Variants in WASL observed in about 807,000 individuals in gnomAD.
WASL encodes WASP like actin nucleation promoting factor.
WASL carries 20 observed loss-of-function variants against 55.5 expected under a neutral mutation model. The observed-to-expected ratio is 0.36, with a 90% CI of 0.25 to 0.52. The LOEUF (loss-of-function observed/expected upper bound fraction) is 0.52. WASL is among the 20% of genes least tolerant of loss of function. The pLI, the probability that WASL is intolerant of heterozygous loss-of-function variation, is 0.92. For synonymous variants in WASL, 249 were observed against 217.6 expected (o/e 1.14, Z -1.27); for missense variants, 504 against 622.5 (o/e 0.81, Z 2.03).
chr7:123,740,286 T>C (rs1201026540), intron 1 of WASL, among the ~76,000 whole-genome samples: 2 of 152,052 alleles, frequency 1.3e-5, no homozygotes, highest in Admixed American at 1.3e-4. Context: ...TCTTCAACAT[T>C]ACAGTCAATT....
At position 123,692,858 on chromosome 7, in the gene WASL, G is replaced by A; in HGVS notation, c.836C>T (p.Pro279Leu). The A allele has an allele frequency of 2.2e-6, 3 of 1,364,208 alleles. No homozygotes were observed. The highest frequency in any genetic ancestry group is 2.8e-6 in the Non-Finnish European group (3 of 1,054,352). The allele number at this position is 1,364,208 out of a possible 1,614,324, so 84.5% of individuals were successfully genotyped here. A position where few individuals can be genotyped will look rare whatever the true frequency, so the allele number is the denominator to read the frequency against. Residue 279 changes from proline to leucine, a missense_variant, in exon 9 of 11, where the codon CCT becomes CTT. Physicochemically the swap from Pro to Leu is moderately conservative, Grantham distance 98. Transcript: ENST00000223023. ...KNELRRQAPP[P>L]PPPSRGGPPP... ...TGGCCCTCCCCTTGATGGTGGTGGAGGTGGTGGTGCTGAAATGCAAACAGA... is the reference window on the plus strand; with the variant it reads ...TGGCCCTCCCCTTGATGGTGGTGGAAGTGGTGGTGCTGAAATGCAAACAGA...
intron 1 of WASL, among the ~76,000 whole-genome samples, chr7:123,743,405 C>G (rs555556012): frequency 1.5e-4 from 22 of 151,680 alleles, no homozygotes; most frequent in African/African-American, 5.1e-4. Flanking sequence ...GACTAAAATT[C>G]AGGAACTCCT....
intron 1 of WASL, among the ~76,000 whole-genome samples, chr7:123,747,113 CAG>C (rs1804446535): frequency 6.6e-6 from 1 of 151,696 alleles, no homozygotes; most frequent in East Asian, 1.9e-4. Flanking sequence ...AAATCAGTAA[CAG>C]GAAAAAAAAA....
chr7:123,682,167 T>G lies in WASL; in HGVS notation c.*2352A>C, dbSNP rs536373184. On this transcript the variant is annotated 3_prime_UTR_variant, in exon 11 of 11. Coordinates refer to ENST00000223023, the MANE Select transcript of WASL (RefSeq NM_003941.4). The stretch of plus-strand genomic sequence containing the variant: ...TAGATATAAAAAGCCTCATGCTAGT[T>G]TGTTAAATGCAAAGGCTACCAGACG... The G allele has an allele frequency of 6.6e-6, 1 of 152,240 alleles. No individual in the cohort carries two copies. Among genetic ancestry groups the G allele is most frequent in the South Asian group, 2.1e-4 (1 of 4,824 alleles). 9.4% of individuals were successfully genotyped at this position (152,240 alleles called of 1,614,324 possible).
At chr7:123,732,330 GAAAAATA>G (rs960813210) in intron 1 of WASL, among the ~76,000 whole-genome samples, 52 of 151,436 alleles carry the variant, frequency 3.4e-4, no homozygotes, top group Middle Eastern at 3.4e-3. Context: ...ACTCTGTCTC[GAAAAATA>G]AAAAATAAAA....
intron 1 of WASL, among the ~76,000 whole-genome samples, chr7:123,747,369 C>T (rs1804450583): frequency 6.6e-6 from 1 of 152,142 alleles, no homozygotes; most frequent in Admixed American, 6.5e-5. Flanking sequence ...ACTCAATGTT[C>T]TCTAAGGTCT....
chr7:123,728,790 C>G (rs1018968579), intron 1 of WASL, among the ~76,000 whole-genome samples: 1 of 152,088 alleles, frequency 6.6e-6, no homozygotes, highest in Non-Finnish European at 1.5e-5. Context: ...GAGCTGAACT[C>G]GTACCACTGC....
Position 123,748,736 on chromosome 7 carries a change from G to A in WASL, c.-2C>T. 6.3e-7 allele frequency: 1 copy of A among 1,584,932 alleles called. No homozygotes were observed. On this transcript the variant is annotated 5_prime_UTR_variant, in exon 1 of 11. Transcript: ENST00000223023. ...CGGCTGCTGCTGGACGGAGCTCATG[G>A]TTTCGCCGGCGGGGTTGGGAGTCCA...
At chr7:123,703,326 C>A (rs1803619786) in intron 5 of WASL, among the ~76,000 whole-genome samples, 1 of 152,090 alleles carries the variant, frequency 6.6e-6, no homozygotes, top group Non-Finnish European at 1.5e-5. Flanking sequence ...CTTCGGTTTC[C>A]TTATCTATAA....
At chr7:123,730,441 T>C (rs1247749864) in intron 1 of WASL, among the ~76,000 whole-genome samples, 5 of 152,164 alleles carry the variant, frequency 3.3e-5, no homozygotes, top group African/African-American at 1.2e-4. Flanking sequence ...GGGAATATTG[T>C]GTTCTAAAGT....
chr7:123,693,328 T>C (rs919889316), intron 8 of WASL, among the ~76,000 whole-genome samples: 1 of 152,256 alleles, frequency 6.6e-6, no homozygotes, highest in Non-Finnish European at 1.5e-5. Context: ...TAGTGTAGCA[T>C]AGCTTAATAG....
chr7:123,732,979 TA>T (rs150606156), intron 1 of WASL, among the ~76,000 whole-genome samples: 31 of 151,678 alleles, frequency 2.0e-4, no homozygotes, highest in Admixed American at 1.2e-3. Flanking sequence ...TCATTCATAA[TA>T]AAAAAAAATC....
intron 1 of WASL, among the ~76,000 whole-genome samples, chr7:123,738,256 TTA>T (rs1562966828): frequency 6.6e-6 from 1 of 152,000 alleles, no homozygotes; most frequent in Non-Finnish European, 1.5e-5. Flanking sequence ...AAATATATAT[TTA>T]TATATATTAA....
chr7:123,748,933 A>T lies in WASL; in HGVS notation c.-199T>A. 1 of 568,810 alleles carries T rather than the reference A, an allele frequency of 1.8e-6. No homozygotes were observed. 35.2% of individuals were successfully genotyped at this position (568,810 alleles called of 1,614,324 possible). Reference sequence around the variant, plus strand: ...AGCCACCTTCGCGCCGCGCTGAGAAAGGGAAGCTCCCGGCACCCGCCCGGC... The same window carrying T: ...AGCCACCTTCGCGCCGCGCTGAGAATGGGAAGCTCCCGGCACCCGCCCGGC... On this transcript the variant is annotated 5_prime_UTR_variant, in exon 1 of 11. Coordinates refer to ENST00000223023, the MANE Select transcript of WASL (RefSeq NM_003941.4).
In WASL at chr7:123,692,848, TGGTGGTGGA is replaced by T; in HGVS notation, c.837_845del (p.Pro280_Pro282del). On this transcript the variant is annotated inframe_deletion, in exon 9 of 11. Coordinates refer to ENST00000223023, the MANE Select transcript of WASL (RefSeq NM_003941.4). ...GAGGAGGAGGTGGCCCTCCCCTTGA[TGGTGGTGGA>T]GGTGGTGGTGCTGAAATGCAAACAG... 7.2e-7 allele frequency: 1 copy of T among 1,384,352 alleles called. No individual in the cohort carries two copies. The highest frequency in any genetic ancestry group is 9.4e-7 in the Non-Finnish European group (1 of 1,065,466). The allele number at this position is 1,384,352 out of a possible 1,614,324, so 85.8% of individuals were successfully genotyped here. A position where few individuals can be genotyped will look rare whatever the true frequency, so the allele number is the denominator to read the frequency against.
At chr7:123,705,222 T>C (rs1803650704) in intron 4 of WASL, among the ~76,000 whole-genome samples, 2 of 151,928 alleles carry the variant, frequency 1.3e-5, no homozygotes, top group Non-Finnish European at 2.9e-5. Context: ...ACAGGACATG[T>C]TTTTGAAGGC....
chr7:123,705,237 T>A (rs1287020229), intron 4 of WASL, among the ~76,000 whole-genome samples: 1 of 151,858 alleles, frequency 6.6e-6, no homozygotes, highest in Admixed American at 6.6e-5. Context: ...GAAGGCAGAG[T>A]CAATAGGACT....
At chr7:123,689,266 A>C in intron 9 of WASL, 116 bp from the exon 10 acceptor site, 4 of 771,730 alleles carry the variant, frequency 5.2e-6, no homozygotes, top group Non-Finnish European at 6.4e-6. Context: ...AAAAGATATC[A>C]AACTGGCAAG....
At chr7:123,734,293 G>A (rs1804189602) in intron 1 of WASL, among the ~76,000 whole-genome samples, 1 of 151,994 alleles carries the variant, frequency 6.6e-6, no homozygotes, top group African/African-American at 2.4e-5. Flanking sequence ...TCATCAATAA[G>A]ACATAAACAC....
Sources: gnomAD v4.1 joint callset for allele counts (sites outside exome capture counted in the v4.1 genomes callset) on GRCh38, gnomAD v4.1.1 for gene constraint, MANE v1.5 for transcripts, NCBI Gene and HGNC (gene_info 2026-07-23, HGNC 2026-07-21) for gene names.